Variants in EMX1 observed in about 807,000 individuals in gnomAD.
EMX1 encodes homeobox protein EMX1.
Under a neutral mutation model 20.1 loss-of-function variants are expected in EMX1, and 10 were observed. That is an observed-to-expected ratio of 0.50 (90% confidence interval 0.31 to 0.84). The LOEUF (loss-of-function observed/expected upper bound fraction) is 0.84. Ranked by LOEUF, EMX1 falls within the 40% of genes least tolerant of loss-of-function variation. The pLI is 0.05. For synonymous variants in EMX1, 250 were observed against 200.4 expected (o/e 1.25, Z -2.09); for missense variants, 424 against 431.9 (o/e 0.98, Z 0.16).
At chr2:72,921,518 A>G (rs1405469719) in intron 1 of EMX1, among the ~76,000 whole-genome samples, 2 of 151,980 alleles carry the variant, frequency 1.3e-5, no homozygotes, top group African/African-American at 4.8e-5. Flanking sequence ...CTAAGGCATC[A>G]CCCTTGTCTT....
chr2:72,925,518 G>A (rs1441067928), intron 2 of EMX1: 1 of 1,288,608 alleles, frequency 7.8e-7, no homozygotes, highest in Non-Finnish European at 1.0e-6. Flanking sequence ...CTGCGTGCCG[G>A]CCGGCTCCCA....
chr2:72,919,301 GTTTT>G (rs1166742021), intron 1 of EMX1, among the ~76,000 whole-genome samples: 2 of 149,974 alleles, frequency 1.3e-5, no homozygotes, highest in African/African-American at 2.5e-5. Flanking sequence ...GTTGGAGTTT[GTTTT>G]TTTCTTTTCT....
At chr2:72,918,476 G>C (rs752716146) in intron 1 of EMX1, 104 bp downstream of exon 1, 14 of 1,307,950 alleles carry the variant, frequency 1.1e-5, no homozygotes, top group Non-Finnish European at 1.3e-5. Context: ...AGTTACTGCC[G>C]GGAAGGCTGC....
At chr2:72,916,688 G>A (rs555117734), upstream of EMX1, 691 of 716,874 alleles carry the variant, frequency 9.6e-4, 4 homozygotes, top group African/African-American at 1.5e-3. Flanking sequence ...CTTGAGATGG[G>A]CTCGGGCTAC....
At chr2:72,917,224 C>T (rs1670979280), upstream of EMX1, among the ~76,000 whole-genome samples, 1 of 152,196 alleles carries the variant, frequency 6.6e-6, no homozygotes, top group Non-Finnish European at 1.5e-5. Context: ...AGCTACACAC[C>T]GGGGAGGGGA....
At chr2:72,916,372 A>C, upstream of EMX1, 7 of 397,508 alleles carry the variant, frequency 1.8e-5, no homozygotes, top group East Asian at 5.6e-5. Flanking sequence ...GCGGCGAGGA[A>C]GCGGAACTCT....
upstream of EMX1, chr2:72,916,974 T>C: frequency 1.4e-6 from 1 of 714,476 alleles, no homozygotes; most frequent in Non-Finnish European, 2.6e-6. Context: ...AGCGTCCCCT[T>C]TCCAGAGCTG....
In EMX1 at chr2:72,934,046, G is replaced by A; in HGVS notation, c.*92G>A. 6.5e-7 allele frequency: 1 copy of A among 1,534,924 alleles called. No homozygotes were observed. The highest frequency in any genetic ancestry group is 8.8e-7 in the Non-Finnish European group (1 of 1,135,412). ...CAAGCTGGACTCTGGCCACTCCCTG[G>A]CCAGGCTTTGGGGAGGCCTGGAGTC... On this transcript the variant is annotated 3_prime_UTR_variant, in exon 3 of 3. Coordinates refer to ENST00000258106, the MANE Select transcript of EMX1 (RefSeq NM_004097.3).
chr2:72,918,106 A>G lies in EMX1; in HGVS notation c.254A>G (p.Tyr85Cys), dbSNP rs762137646. 2.0e-6 allele frequency: 3 copies of G among 1,472,184 alleles called. No individual in the cohort carries two copies. The highest frequency in any genetic ancestry group is 1.8e-6 in the Non-Finnish European group (2 of 1,122,824). The allele number at this position is 1,472,184 out of a possible 1,614,324, so 91.2% of individuals were successfully genotyped here. Residue 85 changes from tyrosine to cysteine, a missense_variant, in exon 1 of 3, where the codon TAC becomes TGC. Transcript: ENST00000258106. Reference sequence around the variant, plus strand: ...CCGCTCCGGCCCACGGCGCTCAACTACCCTCACCCCAGCGCGGCCGAGGCG... The same window carrying G: ...CCGCTCCGGCCCACGGCGCTCAACTGCCCTCACCCCAGCGCGGCCGAGGCG... ...EEPLRPTALN[Y>C]PHPSAAEAAF...
intron 2 of EMX1, chr2:72,932,874 G>A (rs1002216970): frequency 6.6e-6 from 1 of 152,330 alleles, no homozygotes; most frequent in Admixed American, 6.5e-5. Flanking sequence ...TTCCTTGTGT[G>A]ACCTGTTCCC....
chr2:72,931,715 G>T (rs1478170487), intron 2 of EMX1, among the ~76,000 whole-genome samples: 1 of 152,278 alleles, frequency 6.6e-6, no homozygotes, highest in Non-Finnish European at 1.5e-5. Flanking sequence ...GCTTGGAAAT[G>T]AGGGGAGAAT....
intron 2 of EMX1, 159 bp from the exon 3 acceptor site, chr2:72,933,628 G>A: frequency 1.3e-6 from 1 of 758,862 alleles, no homozygotes; most frequent in South Asian, 1.9e-5. Context: ...TAGACCCATG[G>A]GAGCAGCTGG....
At chr2:72,919,180 T>TACACAC (rs70963149) in intron 1 of EMX1, among the ~76,000 whole-genome samples, 8,902 of 142,524 alleles carry the variant, frequency 0.062, 403 homozygotes, top group African/African-American at 0.11. Flanking sequence ...CCACTGGCCC[T>TACACAC]ACACACACAC....
At position 72,934,353 on chromosome 2, in the gene EMX1, G is replaced by A; in HGVS notation, c.*399G>A. ...TAAAAGTCTCTCTCTTAATGACACG[G>A]GCATCCAGCTCCAGCCCCAGAGCCT... On this transcript the variant is annotated 3_prime_UTR_variant, in exon 3 of 3. Coordinates refer to ENST00000258106, the MANE Select transcript of EMX1 (RefSeq NM_004097.3). 6.1e-6 allele frequency: 1 copy of A among 165,252 alleles called. No homozygotes were observed. The allele number at this position is 165,252 out of a possible 1,614,324, so 10.2% of individuals were successfully genotyped here.
upstream of EMX1, chr2:72,916,852 G>A (rs867102109): frequency 1.1e-5 from 8 of 717,106 alleles, no homozygotes; most frequent in African/African-American, 1.2e-4. Flanking sequence ...GCGGCACCGT[G>A]TCTGGGCACT....
At chr2:72,919,118 A>G (rs929667650) in intron 1 of EMX1, among the ~76,000 whole-genome samples, 3 of 151,914 alleles carry the variant, frequency 2.0e-5, no homozygotes, top group African/African-American at 7.3e-5. Context: ...GGTCGTAGCC[A>G]GTCCGAACCC....
rs1671199313 is a variant in EMX1, at chr2:72,926,321, A to G, written c.705+1828A>G. On this transcript the variant is annotated intron_variant, in intron 2 of 2. Transcript: ENST00000258106. ...CGGACTGATTGTTTCTTTCATTTTT[A>G]TTATGAGACATTTCAAACATATATT... is the stretch of plus-strand genomic sequence containing the variant. 2.5e-5 allele frequency: 24 copies of G among 977,622 alleles called. 1 individual carries two copies. In the South Asian group the frequency reaches 9.9e-4, roughly 40 times the overall value. The allele number at this position is 977,622 out of a possible 1,614,324, so 60.6% of individuals were successfully genotyped here.
At chr2:72,916,905 G>C (rs1193442618), upstream of EMX1, 10 of 717,266 alleles carry the variant, frequency 1.4e-5, no homozygotes, top group African/African-American at 1.7e-4. Flanking sequence ...GGTGGCAGTG[G>C]GACCGCTCCG....
rs1041493446 is a variant in EMX1, at chr2:72,918,496, G to C, written c.520+124G>C. 2.4e-6 allele frequency: 3 copies of C among 1,256,458 alleles called. No individual in the cohort carries two copies. The African/African-American group carries it at 4.7e-5, about 20-fold the overall frequency. 77.8% of individuals were successfully genotyped at this position (1,256,458 alleles called of 1,614,324 possible). A position where few individuals can be genotyped will look rare whatever the true frequency, so the allele number is the denominator to read the frequency against. On this transcript the variant is annotated intron_variant, in intron 1 of 2. Coordinates refer to ENST00000258106, the MANE Select transcript of EMX1 (RefSeq NM_004097.3). ...CTGCCGGGAAGGCTGCAGGTCCGCG[G>C]AGGTAGATTCCCAGGCAGGGAAGAG...
Sources: gnomAD v4.1 joint callset for allele counts (sites outside exome capture counted in the v4.1 genomes callset) on GRCh38, gnomAD v4.1.1 for gene constraint, MANE v1.5 for transcripts, NCBI Gene and HGNC (gene_info 2026-07-23, HGNC 2026-07-21) for gene names.